The following KIF6 variants were observed in gnomAD, a reference collection of about 807,000 sequenced individuals.
KIF6 encodes kinesin-like protein KIF6.
KIF6 carries 106 observed loss-of-function variants against 112.7 expected under a neutral mutation model. The observed-to-expected ratio is 0.94, with a 90% CI of 0.80 to 1.11. The LOEUF (loss-of-function observed/expected upper bound fraction) is 1.11, where lower values mean the gene tolerates loss of function less well. Among genes scored for constraint, KIF6 ranks in the 50% least tolerant of loss-of-function variants. The probability of loss-of-function intolerance (pLI) is 0.00; values close to 1 mark genes in which losing one functional copy is unlikely to be tolerated. For missense variants in KIF6, 929 were observed against 964.0 expected (o/e 0.96, Z 0.48); for synonymous variants, 339 against 339.9 (o/e 1.00, Z 0.03).
chr6:39,509,988 C>T (rs924252870), intron 13 of KIF6, among the ~76,000 whole-genome samples: 1 of 152,032 alleles, frequency 6.6e-6, no homozygotes, highest in Admixed American at 6.6e-5. Context: ...AGAGAAAGGT[C>T]GGGTTACCCA....
chr6:39,480,062 C>T (rs2150455422), intron 13 of KIF6, among the ~76,000 whole-genome samples: 1 of 152,288 alleles, frequency 6.6e-6, no homozygotes, highest in South Asian at 2.1e-4. Context: ...GGTCTGATTG[C>T]TCTGGCTAGG....
At chr6:39,669,336 T>G (rs1786669214) in intron 3 of KIF6, among the ~76,000 whole-genome samples, 1 of 152,218 alleles carries the variant, frequency 6.6e-6, no homozygotes, top group Admixed American at 6.5e-5. Context: ...AGTTCTTTAC[T>G]CTCTGAATAC....
chr6:39,568,179 A>C (rs1289140912), intron 10 of KIF6, among the ~76,000 whole-genome samples: 1 of 152,240 alleles, frequency 6.6e-6, no homozygotes, highest in East Asian at 1.9e-4. Context: ...AAGGACAATG[A>C]AACATTAAAC....
chr6:39,379,448 T>G (rs548881000), intron 16 of KIF6, among the ~76,000 whole-genome samples: 3 of 152,220 alleles, frequency 2.0e-5, no homozygotes, highest in South Asian at 4.1e-4. Flanking sequence ...AAGATGAATT[T>G]GACTGCACCC....
chr6:39,458,031 A>G (rs1773250634), intron 13 of KIF6, among the ~76,000 whole-genome samples: 1 of 151,998 alleles, frequency 6.6e-6, no homozygotes, highest in East Asian at 1.9e-4. Context: ...TGAGGCCAGT[A>G]TCATTCTGAT....
In KIF6 at chr6:39,720,699, T is replaced by A. The variant is rs1008358032; in HGVS notation, c.176+3A>T. ...AATGAAAAAAGGAGAAAGAAAAACT[T>A]ACTTAAATTTGTAGCTTTCTCGCTT... On this transcript the variant is annotated splice_donor_region_variant and intron_variant, in intron 2 of 22. Transcript: ENST00000287152. 1 of 1,485,216 alleles carries A rather than the reference T, an allele frequency of 6.7e-7. No individual in the cohort carries two copies. The highest frequency in any genetic ancestry group is 9.4e-7 in the Non-Finnish European group (1 of 1,063,318). The allele number at this position is 1,485,216 out of a possible 1,614,324, so 92.0% of individuals were successfully genotyped here. A position where few individuals can be genotyped will look rare whatever the true frequency, so the allele number is the denominator to read the frequency against.
chr6:39,463,453 C>T (rs9471113), intron 13 of KIF6, among the ~76,000 whole-genome samples: 3 of 152,078 alleles, frequency 2.0e-5, no homozygotes, highest in South Asian at 4.1e-4. Flanking sequence ...ACAAAAGAGA[C>T]GAATAATCTC....
chr6:39,510,094 CT>C (rs70984130), intron 13 of KIF6, among the ~76,000 whole-genome samples: 52,414 of 131,280 alleles, frequency 0.4, 10,816 homozygotes, highest in African/African-American at 0.61. Context: ...CTTTTCTTTT[CT>C]TTTTTTTTTT....
chr6:39,650,720 G>T (rs1785424592), intron 3 of KIF6, among the ~76,000 whole-genome samples: 1 of 152,020 alleles, frequency 6.6e-6, no homozygotes, highest in Admixed American at 6.6e-5. Context: ...AACAATGTGG[G>T]AGAAATTCAT....
chr6:39,692,491 A>G (rs1375819676), intron 3 of KIF6, among the ~76,000 whole-genome samples: 2 of 152,208 alleles, frequency 1.3e-5, no homozygotes, highest in Non-Finnish European at 2.9e-5. Context: ...TGAGGTCACT[A>G]TAATAGATAT....
chr6:39,506,819 C>T (rs1318726584), intron 13 of KIF6, among the ~76,000 whole-genome samples: 1 of 151,994 alleles, frequency 6.6e-6, no homozygotes, highest in African/African-American at 2.4e-5. Flanking sequence ...ACTTTCAGAC[C>T]ACTACCCTCA....
At chr6:39,576,209 C>T (rs1217850617) in intron 10 of KIF6, among the ~76,000 whole-genome samples, 1 of 152,082 alleles carries the variant, frequency 6.6e-6, no homozygotes, top group East Asian at 1.9e-4. Flanking sequence ...ACTGTAACCT[C>T]TGCCTCCCGG....
intron 13 of KIF6, among the ~76,000 whole-genome samples, chr6:39,455,153 T>A (rs1209228451): frequency 1.3e-5 from 2 of 152,124 alleles, no homozygotes; most frequent in Non-Finnish European, 2.9e-5. Context: ...GTGGTTCTCA[T>A]AGCACGCAGC....
chr6:39,598,577 A>ATGTGTGTGTG (rs70984133), intron 6 of KIF6, among the ~76,000 whole-genome samples: 3,366 of 147,920 alleles, frequency 0.023, 50 homozygotes, highest in Non-Finnish European at 0.033. Context: ...ATACATATAT[A>ATGTGTGTGTG]TGTGTGTGTG....
chr6:39,575,805 C>T (rs961772380), intron 10 of KIF6, among the ~76,000 whole-genome samples: 5 of 152,110 alleles, frequency 3.3e-5, no homozygotes, highest in Non-Finnish European at 4.4e-5. Flanking sequence ...CAGGGCTCCA[C>T]ACTTCCAGAC....
chr6:39,639,764 T>C lies in KIF6; in HGVS notation c.252-7A>G. 6.2e-7 allele frequency: 1 copy of C among 1,605,786 alleles called. No individual in the cohort carries two copies. Among genetic ancestry groups the C allele is most frequent in the Admixed American group, 1.7e-5 (1 of 58,254 alleles). ...ATTGTAACCTGCCAGGACACTGCAATAAAGAAATGACACACTTTCAATATC... is the reference window on the plus strand; with the variant it reads ...ATTGTAACCTGCCAGGACACTGCAACAAAGAAATGACACACTTTCAATATC... On this transcript the variant is annotated splice_polypyrimidine_tract_variant and splice_region_variant and intron_variant, in intron 3 of 22. Transcript: ENST00000287152.
chr6:39,351,379 T>C (rs1764234394), intron 19 of KIF6, among the ~76,000 whole-genome samples: 1 of 151,438 alleles, frequency 6.6e-6, no homozygotes, highest in Non-Finnish European at 1.5e-5. Flanking sequence ...TACAGGCATG[T>C]GCCACCACGC....
At chr6:39,561,368 TTG>T (rs1491253572) in intron 10 of KIF6, among the ~76,000 whole-genome samples, 6,071 of 152,110 alleles carry the variant, frequency 0.04, 268 homozygotes, top group East Asian at 0.25. Flanking sequence ...TTTTTTTTTT[TTG>T]AGATGGAGTC....
intron 10 of KIF6, among the ~76,000 whole-genome samples, 158 bp downstream of exon 10, chr6:39,577,898 A>C (rs1308787971): frequency 6.6e-6 from 1 of 152,186 alleles, no homozygotes; most frequent in African/African-American, 2.4e-5. Context: ...CCAGCTTTTC[A>C]TGGAAAGCCG....
Sources: allele counts gnomAD v4.1 joint callset (sites outside exome capture counted in the v4.1 genomes callset), GRCh38; gene constraint gnomAD v4.1.1; transcripts MANE v1.5; gene names NCBI Gene and HGNC (gene_info 2026-07-23, HGNC 2026-07-21).